The following GRAMD4 variants were observed in gnomAD, a reference collection of about 807,000 sequenced individuals.
GRAMD4 encodes GRAM domain-containing protein 4.
A neutral mutation model predicts 83.9 loss-of-function variants in GRAMD4; 25 were observed. That is an observed-to-expected ratio of 0.30 (90% confidence interval 0.22 to 0.42). The LOEUF (loss-of-function observed/expected upper bound fraction) is 0.42, where lower values mean the gene tolerates loss of function less well. Among genes scored for constraint, GRAMD4 ranks in the 10% least tolerant of loss-of-function variants. The probability of loss-of-function intolerance (pLI) is 1.00; values close to 1 mark genes in which losing one functional copy is unlikely to be tolerated. For synonymous variants in GRAMD4, 336 were observed against 320.9 expected (o/e 1.05, Z -0.50); for missense variants, 593 against 788.7 (o/e 0.75, Z 2.97).
chr22:46,677,276 G>A lies in GRAMD4; in HGVS notation c.*25G>A. The A allele has an allele frequency of 1.3e-6, 2 of 1,571,754 alleles. No homozygotes were observed. The highest frequency in any genetic ancestry group is 1.7e-6 in the Non-Finnish European group (2 of 1,167,446). On this transcript the variant is annotated 3_prime_UTR_variant, in exon 19 of 19. Coordinates refer to ENST00000406902, the MANE Select transcript of GRAMD4 (RefSeq NM_015124.5). The stretch of plus-strand genomic sequence containing the variant: ...GTATTGACTTGCCCAGGACGTTGCT[G>A]GAATTTTCTTTTTCTTTTTCTTTTT...
intron 9 of GRAMD4, among the ~76,000 whole-genome samples, chr22:46,666,302 G>T (rs1347754560): frequency 6.6e-6 from 1 of 152,208 alleles, no homozygotes; most frequent in Non-Finnish European, 1.5e-5. Context: ...TTAGCCTGCG[G>T]TTACCCCTGG....
intron 3 of GRAMD4, among the ~76,000 whole-genome samples, chr22:46,648,847 CATGG>C (rs2082118901): frequency 1.2e-4 from 2 of 17,058 alleles, no homozygotes; most frequent in African/African-American, 2.0e-4. Context: ...TGGATGGATG[CATGG>C]ATGGATGGAT....
At chr22:46,671,080 A>C (rs766775852) in intron 13 of GRAMD4, 1 of 468,920 alleles carries the variant, frequency 2.1e-6, no homozygotes, top group Non-Finnish European at 4.4e-6. Flanking sequence ...TTAGAGGGGC[A>C]GAGGCTGCCT....
At chr22:46,617,266 G>A (rs1359368335), upstream of GRAMD4, among the ~76,000 whole-genome samples, 1 of 149,496 alleles carries the variant, frequency 6.7e-6, no homozygotes, top group African/African-American at 2.5e-5. Context: ...CCCTGTGCTT[G>A]TGGGTTCCCC....
At chr22:46,651,799 G>C (rs775882011) in intron 3 of GRAMD4, among the ~76,000 whole-genome samples, 1 of 152,198 alleles carries the variant, frequency 6.6e-6, no homozygotes, top group Non-Finnish European at 1.5e-5. Flanking sequence ...CCTTGGTGGC[G>C]GCACTGGGGA....
Position 46,677,434 on chromosome 22 carries a change from A to C in GRAMD4, c.*183A>C, listed in dbSNP as rs2082615681. On this transcript the variant is annotated 3_prime_UTR_variant, in exon 19 of 19. Transcript: ENST00000406902. ...ATCGACCAAGAAGGGGCCAGGGCTC[A>C]CAGGGACGGGGGTGCCCCTCTCCCA... is the stretch of plus-strand genomic sequence containing the variant. The C allele has an allele frequency of 3.7e-6, 5 of 1,364,842 alleles. No individual in the cohort carries two copies. In the South Asian group the frequency reaches 7.2e-5, roughly 20 times the overall value. The allele number at this position is 1,364,842 out of a possible 1,614,324, so 84.5% of individuals were successfully genotyped here.
At chr22:46,594,676 T>G (rs904816516) in intron 1 of GRAMD4, among the ~76,000 whole-genome samples, 19 of 151,924 alleles carry the variant, frequency 1.3e-4, no homozygotes, top group Admixed American at 5.2e-4. Context: ...CCCTGGCATC[T>G]GTCCTGCCCT....
rs1007917337 is a variant in GRAMD4 at position 46,679,280 on chromosome 22, G to A, written c.*2029G>A. 50 of 985,474 alleles carry A rather than the reference G, an allele frequency of 5.1e-5. No homozygotes were observed. In the South Asian group the frequency reaches 7.5e-4, roughly 15 times the overall value. 61.0% of individuals were successfully genotyped at this position (985,474 alleles called of 1,614,324 possible). On this transcript the variant is annotated 3_prime_UTR_variant, in exon 19 of 19. Transcript: ENST00000406902. ...GGGCAGATGGGGCTTTACCAGCGTC[G>A]GGTGGTTTAGTTCGAGTCCCTTTTG...
rs529270915 is a variant in GRAMD4, at chr22:46,659,308, G to A, written c.404+1001G>A. ...CCCCCCAGCATCATCTTCAGCCTCC[G>A]TCCTCAGACTCCACTCCCTCAGCCT... On this transcript the variant is annotated intron_variant, in intron 4 of 18. Coordinates refer to ENST00000406902, the MANE Select transcript of GRAMD4 (RefSeq NM_015124.5). This position sits in a 1 kb window ranked among gnomAD's most constrained non-coding sequence, Gnocchi z 4.1. Among the ~76,000 whole-genome samples, 37 of 148,056 alleles carry A rather than the reference G, an allele frequency of 2.5e-4. No individual in the cohort carries two copies. The East Asian group carries it at 2.6e-3, about 10-fold the overall frequency.
In GRAMD4 at chr22:46,672,946, C is replaced by A. The variant is rs2082533282; in HGVS notation, c.1188C>A (p.Leu396=). 1.2e-6 allele frequency: 2 copies of A among 1,610,484 alleles called. No individual in the cohort carries two copies. Among genetic ancestry groups the A allele is most frequent in the African/African-American group, 1.3e-5 (1 of 75,028 alleles). Residue 396 remains leucine, a synonymous_variant, in exon 14 of 19, where the codon CTC becomes CTA. Transcript: ENST00000406902. The surrounding 1 kb of genome is among the most constrained non-coding windows in gnomAD (Gnocchi z 4.7). The part of the protein sequence containing the change: ...YDTPYIIWRS[L]PTDPQLKERS... The stretch of plus-strand genomic sequence containing the variant: ...CGCCCTATATCATCTGGAGGAGTCT[C>A]CCCACCGACCCGCAGCTCAAGGAGC...
chr22:46,682,228 A>T (rs1187159197), downstream of GRAMD4, among the ~76,000 whole-genome samples: 7 of 152,192 alleles, frequency 4.6e-5, no homozygotes, highest in Non-Finnish European at 8.8e-5. Flanking sequence ...TGGGCAGCTG[A>T]CCACTCCCTC....
intron 1 of GRAMD4, among the ~76,000 whole-genome samples, chr22:46,587,379 T>C (rs913757214): frequency 2.0e-5 from 3 of 152,110 alleles, no homozygotes; most frequent in Non-Finnish European, 4.4e-5. Context: ...AGGGGAAGTC[T>C]GTTCCAAAAG....
chr22:46,598,477 A>G (rs2081282884), intron 1 of GRAMD4, among the ~76,000 whole-genome samples: 1 of 152,100 alleles, frequency 6.6e-6, no homozygotes, highest in African/African-American at 2.4e-5. Flanking sequence ...CTTGTCTAGG[A>G]TGAGTCCTGG....
chr22:46,640,794 CT>C (rs1172239377), intron 3 of GRAMD4, among the ~76,000 whole-genome samples: 2 of 152,118 alleles, frequency 1.3e-5, no homozygotes, highest in East Asian at 3.9e-4. Flanking sequence ...CCGACACGCC[CT>C]CTCCCTGCCC....
intron 1 of GRAMD4, among the ~76,000 whole-genome samples, chr22:46,624,243 CT>C (rs376752270): frequency 0.018 from 1,915 of 106,600 alleles, 30 homozygotes; most frequent in African/African-American, 0.059. Flanking sequence ...TACTTAGTGG[CT>C]TTTTTTTTTT....
chr22:46,679,079 G>GT lies in GRAMD4; in HGVS notation c.*1829dup. On this transcript the variant is annotated 3_prime_UTR_variant, in exon 19 of 19. Transcript: ENST00000406902. The stretch of plus-strand genomic sequence containing the variant: ...ACCTTGGCGCCTGAGGCAACACAGG[G>GT]TGGGCACTGACCCACCCCCAGGGGC... 1.0e-6 allele frequency: 1 copy of GT among 985,626 alleles called. No homozygotes were observed. Among genetic ancestry groups the GT allele is most frequent in the Non-Finnish European group, 1.2e-6 (1 of 829,980 alleles). 61.1% of individuals were successfully genotyped at this position (985,626 alleles called of 1,614,324 possible). A position where few individuals can be genotyped will look rare whatever the true frequency, so the allele number is the denominator to read the frequency against.
At chr22:46,646,116 G>A (rs2082068775) in intron 3 of GRAMD4, among the ~76,000 whole-genome samples, 1 of 152,202 alleles carries the variant, frequency 6.6e-6, no homozygotes, top group Admixed American at 6.5e-5. Context: ...GCTGGAGAGG[G>A]CTGCAGATGC....
At chr22:46,635,320 G>C (rs1458960410) in intron 2 of GRAMD4, among the ~76,000 whole-genome samples, 2 of 48,984 alleles carry the variant, frequency 4.1e-5, no homozygotes, top group Admixed American at 2.3e-4. Flanking sequence ...CTGGGGGACC[G>C]TGTCCTCCCT....
At chr22:46,602,100 C>T (rs1272529387) in intron 1 of GRAMD4, among the ~76,000 whole-genome samples, 2 of 152,200 alleles carry the variant, frequency 1.3e-5, no homozygotes, top group Admixed American at 6.5e-5. Flanking sequence ...TCGCTCCTTG[C>T]GAGGCTGTGG....
Sources: gnomAD v4.1 joint callset for allele counts (sites outside exome capture counted in the v4.1 genomes callset) on GRCh38, gnomAD v4.1.1 for gene constraint, Gnocchi (gnomAD v3.1) non-coding constraint, MANE v1.5 for transcripts, NCBI Gene and HGNC (gene_info 2026-07-23, HGNC 2026-07-21) for gene names.